Variants in WDPCP observed in about 807,000 individuals in gnomAD.
WDPCP encodes WD repeat containing planar cell polarity effector.
In WDPCP, 71 loss-of-function variants were observed where a neutral mutation model predicts 93.1. That is an observed-to-expected ratio of 0.76 (90% CI 0.63 to 0.93). The LOEUF (loss-of-function observed/expected upper bound fraction) is 0.93, where lower values mean the gene tolerates loss of function less well. Ranked by LOEUF, WDPCP falls within the 40% of genes least tolerant of loss-of-function variation. WDPCP has a pLI of 0.00. For synonymous variants in WDPCP, 315 were observed against 315.0 expected (o/e 1.00, Z 0.00); for missense variants, 844 against 887.4 (o/e 0.95, Z 0.62).
At chr2:63,465,410 T>C (rs974938758) in intron 6 of WDPCP, among the ~76,000 whole-genome samples, 1 of 151,988 alleles carries the variant, frequency 6.6e-6, no homozygotes, top group Non-Finnish European at 1.5e-5. Context: ...GACAGTCACA[T>C]TAGGTTTGAG....
intron 12 of WDPCP, among the ~76,000 whole-genome samples, chr2:63,322,488 A>T (rs941601679): frequency 2.0e-5 from 3 of 152,102 alleles, no homozygotes; most frequent in Non-Finnish European, 4.4e-5. Context: ...TTCACTCCTG[A>T]AGTCAGTGAG....
At chr2:63,720,974 G>A (rs1214272265) in intron 2 of WDPCP, among the ~76,000 whole-genome samples, 3 of 152,214 alleles carry the variant, frequency 2.0e-5, no homozygotes, top group African/African-American at 7.2e-5. Flanking sequence ...TTAACCTGGA[G>A]CCTGAAATGT....
At chr2:63,453,683 T>G (rs1698421281) in intron 6 of WDPCP, among the ~76,000 whole-genome samples, 1 of 151,954 alleles carries the variant, frequency 6.6e-6, no homozygotes, top group Non-Finnish European at 1.5e-5. Context: ...AGCAAAGACG[T>G]GGAACCAACC....
chr2:63,228,300 CTA>C (rs907383026), intron 14 of WDPCP: 5 of 151,284 alleles, frequency 3.3e-5, no homozygotes, highest in Non-Finnish European at 5.9e-5. Context: ...TTACACCTAA[CTA>C]TAATCAGTAA....
At chr2:63,693,211 A>G (rs1668913670) in intron 2 of WDPCP, among the ~76,000 whole-genome samples, 1 of 152,162 alleles carries the variant, frequency 6.6e-6, no homozygotes, top group South Asian at 2.1e-4. Context: ...ATATATGCAC[A>G]AGGGGACTAT....
chr2:63,745,485 G>C (rs926956475), intron 2 of WDPCP, among the ~76,000 whole-genome samples: 2 of 152,158 alleles, frequency 1.3e-5, no homozygotes, highest in Non-Finnish European at 2.9e-5. Flanking sequence ...TCATAGTTTA[G>C]AACTCATAGT....
Position 63,755,199 on chromosome 2 carries a change from G to A in WDPCP, n.308+58423C>T, listed in dbSNP as rs115096798. ...CCATCATTTCTGCACTATCTTGTTC[G>A]TTACACAGGTCTGCTATATTCAGTA... is the stretch of plus-strand genomic sequence containing the variant. On this transcript the variant is annotated intron_variant and non_coding_transcript_variant, in intron 2 of 4. Transcript: ENST00000467687. Among the ~76,000 whole-genome samples, 252 of 152,278 alleles carry A rather than the reference G, an allele frequency of 1.7e-3. 2 individuals carry two copies. Among genetic ancestry groups the A allele is most frequent in the Middle Eastern group, 6.8e-3 (2 of 294 alleles).
chr2:63,406,739 G>GC (rs1694621556), intron 9 of WDPCP, among the ~76,000 whole-genome samples: 1 of 152,114 alleles, frequency 6.6e-6, no homozygotes. Flanking sequence ...GGGGAACTTA[G>GC]CAAGTCCTAT....
chr2:63,286,379 A>G (rs1443594564), intron 13 of WDPCP, among the ~76,000 whole-genome samples: 1 of 151,852 alleles, frequency 6.6e-6, no homozygotes, highest in Non-Finnish European at 1.5e-5. Context: ...TGTACTTTGT[A>G]ATCTCCCCCA....
intron 14 of WDPCP, among the ~76,000 whole-genome samples, chr2:63,241,748 C>A (rs1260208792): frequency 6.6e-6 from 1 of 152,046 alleles, no homozygotes; most frequent in Non-Finnish European, 1.5e-5. Flanking sequence ...AGGTGTTTGC[C>A]ACCATGCCCA....
chr2:63,649,300 C>A (rs559433254), intron 3 of WDPCP, among the ~76,000 whole-genome samples: 65 of 152,172 alleles, frequency 4.3e-4, no homozygotes, highest in Non-Finnish European at 8.1e-4. Context: ...TGGAATCATA[C>A]AACATGTGGT....
chr2:63,490,175 A>C (rs969127908), intron 2 of WDPCP, among the ~76,000 whole-genome samples: 1 of 152,064 alleles, frequency 6.6e-6, no homozygotes, highest in Non-Finnish European at 1.5e-5. Context: ...ATAACAATGC[A>C]ATATGTTACT....
chr2:63,142,530 T>G (rs1310470630), intron 17 of WDPCP, among the ~76,000 whole-genome samples: 1 of 152,184 alleles, frequency 6.6e-6, no homozygotes, highest in East Asian at 1.9e-4. Flanking sequence ...TTTTAAAATT[T>G]ATTGAGGGTC....
At chr2:63,607,821 C>T (rs1339170038) in intron 3 of WDPCP, among the ~76,000 whole-genome samples, 2 of 117,116 alleles carry the variant, frequency 1.7e-5, no homozygotes, top group East Asian at 2.9e-4. Context: ...AGCGAGACTC[C>T]GTCTCAAAAA....
At chr2:63,611,745 C>T (rs186131471) in intron 3 of WDPCP, among the ~76,000 whole-genome samples, 8 of 152,246 alleles carry the variant, frequency 5.3e-5, no homozygotes, top group East Asian at 1.9e-4. Context: ...GAAATATATA[C>T]GCTTTCATTC....
At chr2:63,625,128 C>T (rs772325740) in intron 3 of WDPCP, among the ~76,000 whole-genome samples, 6 of 152,100 alleles carry the variant, frequency 3.9e-5, no homozygotes, top group Non-Finnish European at 8.8e-5. Context: ...AAATGCAACA[C>T]CCCTTCATGC....
chr2:63,761,158 C>T (rs1670049755), intron 2 of WDPCP, among the ~76,000 whole-genome samples: 1 of 152,150 alleles, frequency 6.6e-6, no homozygotes, highest in South Asian at 2.1e-4. Context: ...GTAATGAGGG[C>T]TCTGCCTTCA....
At chr2:63,792,245 A>G (rs1209676829) in intron 2 of WDPCP, among the ~76,000 whole-genome samples, 2 of 152,196 alleles carry the variant, frequency 1.3e-5, no homozygotes, top group African/African-American at 4.8e-5. Flanking sequence ...GCCTCAGGAA[A>G]CTTACAATCA....
Position 63,425,888 on chromosome 2 carries a change from T to C in WDPCP, c.825+7857A>G, listed in dbSNP as rs1276635547. ...AGAAATACAGAGAACCCATGCAAGA[T>C]ACTATAAAAGACAACCATCCCCAAG... On this transcript the variant is annotated intron_variant, in intron 9 of 17. Transcript: ENST00000272321. Among the ~76,000 whole-genome samples, 6 of 152,156 alleles carry C rather than the reference T, an allele frequency of 3.9e-5. No individual in the cohort carries two copies. In the South Asian group the frequency reaches 1.0e-3, roughly 26 times the overall value.
Sources: allele counts gnomAD v4.1 joint callset (sites outside exome capture counted in the v4.1 genomes callset), GRCh38; gene constraint gnomAD v4.1.1; transcripts MANE v1.5; gene names NCBI Gene and HGNC (gene_info 2026-07-23, HGNC 2026-07-21).